PC: variants seen among roughly 807,000 people sequenced by gnomAD.
The protein encoded by PC is pyruvate carboxylase, mitochondrial.
Under a neutral mutation model 107.8 loss-of-function variants are expected in PC, and 46 were observed. The ratio of observed to expected loss-of-function variants is 0.43; its 90% CI spans 0.34 to 0.55. PC has a LOEUF of 0.55. PC is among the 20% of genes least tolerant of loss of function. The pLI, the probability that PC is intolerant of heterozygous loss-of-function variation, is 0.04. For missense variants in PC, 1,241 were observed against 1,643.1 expected (o/e 0.76, Z 4.23); for synonymous variants, 662 against 684.7 (o/e 0.97, Z 0.52).
chr11:66,941,078 T>TTA (rs1949117416), intron 3 of PC, among the ~76,000 whole-genome samples: 1 of 83,874 alleles, frequency 1.2e-5, no homozygotes, highest in Non-Finnish European at 2.3e-5. Context: ...AGACTCCATC[T>TTA]AAAAAAAAAA....
intron 3 of PC, among the ~76,000 whole-genome samples, chr11:66,895,333 C>A (rs1171144895): frequency 6.6e-6 from 1 of 152,204 alleles, no homozygotes; most frequent in African/African-American, 2.4e-5. Flanking sequence ...TGGACCCCCA[C>A]CTGCTCCAGC....
rs1945307404 is a variant in PC, at chr11:66,849,025, C to T, written c.3411G>A (p.Leu1137=). Reference sequence around the variant, plus strand: ...CCATCTTCATGGCACTGAGCACACACAGGGGCTGGCCCTTGGCCACCTTGG... The same window carrying T: ...CCATCTTCATGGCACTGAGCACACATAGGGGCTGGCCCTTGGCCACCTTGG... ...AGAKVAKGQP[L]CVLSAMKMET... Residue 1137 remains leucine (L), a synonymous_variant, in exon 23 of 23, where the codon CTG becomes CTA. Coordinates refer to ENST00000393960, the MANE Select transcript of PC (RefSeq NM_001040716.2). 1 of 1,614,120 alleles carries T rather than the reference C, an allele frequency of 6.2e-7. No individual in the cohort carries two copies. The highest frequency in any genetic ancestry group is 8.5e-7 in the Non-Finnish European group (1 of 1,180,050).
rs1172132182 is a variant in PC at position 66,934,003 on chromosome 11, G to GTGAT, written c.-1+18423_-1+18426dup. ...AGTGCTAGGCCCTGAGGATTCCACAGTGATCAATGCAGGCACAACCTCCAC... is the reference window on the plus strand; with the variant it reads ...AGTGCTAGGCCCTGAGGATTCCACAGTGATTGATCAATGCAGGCACAACCTCCAC... On this transcript the variant is annotated intron_variant, in intron 3 of 22. Coordinates refer to ENST00000393960, the MANE Select transcript of PC (RefSeq NM_001040716.2). Among the ~76,000 whole-genome samples, 3 of 152,114 alleles carry GTGAT rather than the reference G, an allele frequency of 2.0e-5. No homozygotes were observed. In the East Asian group the frequency reaches 5.8e-4, roughly 29 times the overall value.
At chr11:66,926,958 T>C (rs1158036356) in intron 3 of PC, among the ~76,000 whole-genome samples, 2 of 151,578 alleles carry the variant, frequency 1.3e-5, no homozygotes, top group East Asian at 2.0e-4. Flanking sequence ...CATTCATTGG[T>C]TGATGAACAT....
chr11:66,863,824 C>T lies in PC; in HGVS notation c.1318G>A (p.Ala440Thr), dbSNP rs748516996. The change falls in exon 12 of 23, where the codon GCC (alanine) becomes ACC (threonine). Residue 440 changes from alanine (A) to threonine (T), a missense_variant. By Grantham distance (58) the Ala-to-Thr change is moderately conservative (BLOSUM62 0). Around this residue, in one of 2 missense-constraint regions of PC, gnomAD observed 1,143 missense variants for 1,551.9 expected, o/e 0.74. Coordinates refer to ENST00000393960, the MANE Select transcript of PC (RefSeq NM_001040716.2). Reference protein sequence around the residue: ...IAHGKDHPTAATKMSRALAEF... With the variant: ...IAHGKDHPTATTKMSRALAEF... Reference sequence around the variant, plus strand: ...GCAAGGGCCCTGCTCATCTTGGTGGCGGCCGTGGGGTGGTCTTTGCCGTGG... The same window carrying T: ...GCAAGGGCCCTGCTCATCTTGGTGGTGGCCGTGGGGTGGTCTTTGCCGTGG... 7.4e-6 allele frequency: 12 copies of T among 1,613,490 alleles called. No homozygotes were observed. The highest frequency in any genetic ancestry group is 5.9e-6 in the Non-Finnish European group (7 of 1,179,988).
intron 3 of PC, among the ~76,000 whole-genome samples, chr11:66,924,596 G>A (rs1162707167): frequency 2.0e-5 from 3 of 151,954 alleles, no homozygotes; most frequent in Non-Finnish European, 2.9e-5. Flanking sequence ...GACTACAGGT[G>A]CGCACCACAA....
At chr11:66,856,883 C>T in intron 12 of PC, 1 of 148,362 alleles carries the variant, frequency 6.7e-6, no homozygotes, top group Non-Finnish European at 1.5e-5. Flanking sequence ...GCTGCGGCAG[C>T]GCCGGGGGAC....
At chr11:66,853,911 G>T (rs939197983) in intron 12 of PC, among the ~76,000 whole-genome samples, 1 of 152,266 alleles carries the variant, frequency 6.6e-6, no homozygotes, top group Non-Finnish European at 1.5e-5. Flanking sequence ...CCGTCCCGGG[G>T]CTGTGGCGCC....
rs1321824634 is a variant in PC, at chr11:66,859,972, G to C, written c.1368+3802C>G. 5.6e-6 allele frequency: 9 copies of C among 1,601,280 alleles called. No individual in the cohort carries two copies. The African/African-American group carries it at 1.2e-4, about 21-fold the overall frequency. On this transcript the variant is annotated intron_variant, in intron 12 of 22. Transcript: ENST00000393960. ...AGCCACGTCCAGTCCCAGACCAATG[G>C]AGGCCCCAGCCCCACACCCAAGGCC...
intron 12 of PC, among the ~76,000 whole-genome samples, chr11:66,863,511 A>C (rs923831367): frequency 8.5e-5 from 13 of 152,110 alleles, no homozygotes; most frequent in Non-Finnish European, 1.5e-4. Context: ...CCGGAACAAG[A>C]CTAGACAGGA....
Position 66,858,622 on chromosome 11 carries a change from T to C in PC, c.1368+5152A>G. The C allele has an allele frequency of 6.5e-7, 1 of 1,536,664 alleles. No homozygotes were observed. The highest frequency in any genetic ancestry group is 2.4e-5 in the East Asian group (1 of 40,836). On this transcript the variant is annotated intron_variant, in intron 12 of 22. Coordinates refer to ENST00000393960, the MANE Select transcript of PC (RefSeq NM_001040716.2). The surrounding 1 kb of genome is among the most constrained non-coding windows in gnomAD (Gnocchi z 5.9). ...CGCCACACGCAGCGCCTCTGGGTGC[T>C]GGAAGGCCAGCGGGCCACGCTGCGG... is the stretch of plus-strand genomic sequence containing the variant.
chr11:66,851,345 C>T lies in PC; in HGVS notation c.1983-65G>A, dbSNP rs112010322. ...CCTCCCTCTGAACAGTCTTCCCTGG[C>T]TCCTTCCTGACCCACTCTATGGCCC... On this transcript the variant is annotated intron_variant, in intron 16 of 22. Transcript: ENST00000393960. The T allele has an allele frequency of 8.8e-6, 14 of 1,595,982 alleles. No individual in the cohort carries two copies. In the African/African-American group the frequency reaches 1.2e-4, roughly 14 times the overall value.
At chr11:66,942,256 T>C (rs7936290) in intron 3 of PC, among the ~76,000 whole-genome samples, 71,448 of 150,116 alleles carry the variant, frequency 0.48, 17,250 homozygotes, top group African/African-American at 0.54. Context: ...AAAAATTAGC[T>C]GGGCATGGTG....
chr11:66,849,554 C>T, intron 21 of PC, 57 bp downstream of exon 21: 1 of 1,613,428 alleles, frequency 6.2e-7, no homozygotes. Context: ...AGCTAAACTC[C>T]AGAGCTCTGG....
chr11:66,931,882 A>G (rs756366704), intron 3 of PC, among the ~76,000 whole-genome samples: 38 of 151,796 alleles, frequency 2.5e-4, no homozygotes, highest in Admixed American at 9.8e-4. Flanking sequence ...AGCCGGGCAT[A>G]GTGGCAGTTG....
At chr11:66,931,755 C>T (rs551545016) in intron 3 of PC, among the ~76,000 whole-genome samples, 2 of 152,130 alleles carry the variant, frequency 1.3e-5, no homozygotes, top group East Asian at 1.9e-4. Context: ...CAGTGGCTCA[C>T]GCCTGTAATC....
chr11:66,868,816 C>T (rs1475092754), intron 10 of PC, 30 bp downstream of exon 10: 2 of 1,564,658 alleles, frequency 1.3e-6, no homozygotes, highest in Admixed American at 3.3e-5. Flanking sequence ...GAAGCCGCGC[C>T]TCCCGCCCCG....
At chr11:66,926,490 T>A (rs1441990787) in intron 3 of PC, among the ~76,000 whole-genome samples, 2 of 152,196 alleles carry the variant, frequency 1.3e-5, no homozygotes. Flanking sequence ...TATTCAACAG[T>A]AGGCAAACAG....
At chr11:66,860,890 C>G (rs1038088326) in intron 12 of PC, among the ~76,000 whole-genome samples, 5 of 152,162 alleles carry the variant, frequency 3.3e-5, no homozygotes, top group East Asian at 1.9e-4. Context: ...GGAGAACGGA[C>G]CTGGGCTGAG....
Sources: gnomAD v4.1 joint callset for allele counts (sites outside exome capture counted in the v4.1 genomes callset) on GRCh38, gnomAD v4.1.1 for gene constraint, gnomAD v4.1.1 regional missense constraint, Gnocchi (gnomAD v3.1) non-coding constraint, MANE v1.5 for transcripts, NCBI Gene and HGNC (gene_info 2026-07-23, HGNC 2026-07-21) for gene names.